The following IL1RAPL1 variants were observed in gnomAD, a reference collection of about 807,000 sequenced individuals.
IL1RAPL1 encodes interleukin 1 receptor accessory protein like 1.
A neutral mutation model predicts 48.4 loss-of-function variants in IL1RAPL1; 3 were observed. The observed-to-expected ratio is 0.06, with a 90% CI of 0.03 to 0.16. The LOEUF is 0.16. IL1RAPL1 is among the 10% of genes least tolerant of loss of function. The pLI is 1.00. For synonymous variants in IL1RAPL1, 185 were observed against 187.7 expected, an observed-to-expected ratio of 0.99 and a Z score of 0.12; for missense variants, 349 against 530.6, an observed-to-expected ratio of 0.66 and a Z score of 3.36.
At chrX:29,062,309 A>C (rs1927358763) in intron 2 of IL1RAPL1, among the ~76,000 whole-genome samples, 1 of 112,321 alleles carries the variant, frequency 8.9e-6, no homozygotes, top group South Asian at 3.6e-4. Flanking sequence ...CTTGTTTCCA[A>C]GTGTTATTGA....
At chrX:29,373,956 C>T in intron 3 of IL1RAPL1, among the ~76,000 whole-genome samples, 1 of 95,544 alleles carries the variant, frequency 1.0e-5, no homozygotes, top group South Asian at 5.4e-4. Context: ...AGTCCTCCCT[C>T]CTCAGCTTCC....
In IL1RAPL1 at chrX:29,418,082, A is replaced by T. The variant is rs774759755; in HGVS notation, c.703+18774A>T. Among the ~76,000 whole-genome samples, 605 of 88,343 alleles carry T rather than the reference A, an allele frequency of 6.8e-3. 5 individuals carry two copies. The highest frequency in any genetic ancestry group is 0.024 in the African/African-American group (572 of 23,829). The allele number at this position is 88,343 out of a possible 115,157, so 76.7% of individuals were successfully genotyped here. ...AAGCACAGAGAAACGTGTTCTTTTTAAAAAAGTAATATATATATATATATA... is the reference window on the plus strand; with the variant it reads ...AAGCACAGAGAAACGTGTTCTTTTTTAAAAAGTAATATATATATATATATA... On this transcript the variant is annotated intron_variant, in intron 5 of 10. Transcript: ENST00000378993.
chrX:29,828,119 A>G (rs5971826), intron 6 of IL1RAPL1, among the ~76,000 whole-genome samples: 3,604 of 111,881 alleles, frequency 0.032, 132 homozygotes, highest in African/African-American at 0.11. Flanking sequence ...AGGCTGGGAG[A>G]ACATCAGGAA....
intron 3 of IL1RAPL1, among the ~76,000 whole-genome samples, chrX:29,354,478 C>A (rs939683101): frequency 8.0e-5 from 9 of 111,818 alleles, no homozygotes; most frequent in African/African-American, 2.6e-4. Context: ...TGACACAAAA[C>A]CTATTTTATG....
intron 1 of IL1RAPL1, among the ~76,000 whole-genome samples, chrX:28,601,978 G>T (rs766981151): frequency 1.8e-5 from 2 of 109,033 alleles, no homozygotes; most frequent in South Asian, 8.1e-4. Context: ...GGTGGCGCAC[G>T]CCTGTAATCC....
At chrX:28,900,820 T>C (rs958176700) in intron 2 of IL1RAPL1, among the ~76,000 whole-genome samples, 1 of 111,829 alleles carries the variant, frequency 8.9e-6, no homozygotes, top group Non-Finnish European at 1.9e-5. Flanking sequence ...ATTGAATGTC[T>C]CTGTTCTAGC....
intron 5 of IL1RAPL1, among the ~76,000 whole-genome samples, chrX:29,437,639 G>A (rs748570058): frequency 5.4e-5 from 6 of 110,104 alleles, no homozygotes; most frequent in Admixed American, 2.9e-4. Flanking sequence ...TCATGAATGG[G>A]TGTTACATTT....
intron 3 of IL1RAPL1, among the ~76,000 whole-genome samples, chrX:29,315,564 G>A (rs765380834): frequency 9.8e-5 from 11 of 111,711 alleles, no homozygotes; most frequent in Middle Eastern, 4.6e-3. Context: ...TAATATATAA[G>A]TAGGACAGAA....
chrX:29,553,363 T>C (rs1921882392), intron 5 of IL1RAPL1, among the ~76,000 whole-genome samples: 1 of 111,667 alleles, frequency 9.0e-6, no homozygotes, highest in African/African-American at 3.3e-5. Context: ...CCCTAAGAAG[T>C]TTTTCTCAGA....
chrX:28,741,612 T>C (rs1470968487), intron 1 of IL1RAPL1, among the ~76,000 whole-genome samples: 2 of 111,875 alleles, frequency 1.8e-5, no homozygotes, highest in Non-Finnish European at 3.8e-5. Context: ...TTCCAAGAGA[T>C]TCCTTATCTC....
intron 2 of IL1RAPL1, among the ~76,000 whole-genome samples, chrX:29,152,472 A>G (rs1223647453): frequency 8.9e-5 from 10 of 111,777 alleles, no homozygotes; most frequent in Non-Finnish European, 1.1e-4. Flanking sequence ...CCACATAGTC[A>G]AATGTTACCT....
At chrX:29,869,651 T>G (rs1931763657) in intron 6 of IL1RAPL1, among the ~76,000 whole-genome samples, 1 of 111,368 alleles carries the variant, frequency 9.0e-6, no homozygotes, top group Admixed American at 9.6e-5. Context: ...GAGGTGTAAA[T>G]AATAACTGCC....
chrX:29,504,341 A>G (rs1166835415), intron 5 of IL1RAPL1, among the ~76,000 whole-genome samples: 1 of 111,574 alleles, frequency 9.0e-6, no homozygotes, highest in Non-Finnish European at 1.9e-5. Context: ...TCAATTCTAG[A>G]TAGCCCTATT....
At chrX:29,006,891 TAATAA>T (rs1195401380) in intron 2 of IL1RAPL1, among the ~76,000 whole-genome samples, 3 of 110,864 alleles carry the variant, frequency 2.7e-5, no homozygotes, top group Non-Finnish European at 3.8e-5. Context: ...TTGTTAATAG[TAATAA>T]AATATATAGC....
At chrX:28,766,046 A>C (rs1936233588) in intron 1 of IL1RAPL1, among the ~76,000 whole-genome samples, 1 of 111,724 alleles carries the variant, frequency 9.0e-6, no homozygotes, top group Non-Finnish European at 1.9e-5. Flanking sequence ...CCTGATATTC[A>C]TTTTAATGAA....
At chrX:29,797,715 A>C (rs769441492) in intron 6 of IL1RAPL1, among the ~76,000 whole-genome samples, 1 of 109,977 alleles carries the variant, frequency 9.1e-6, no homozygotes, top group South Asian at 4.1e-4. Flanking sequence ...TCTACCAAAA[A>C]CCCAAAAATT....
chrX:29,085,007 A>G (rs1376770134), intron 2 of IL1RAPL1, among the ~76,000 whole-genome samples: 1 of 112,021 alleles, frequency 8.9e-6, no homozygotes, highest in East Asian at 2.8e-4. Context: ...TTATTCTTTT[A>G]ATAAGCATAT....
intron 2 of IL1RAPL1, among the ~76,000 whole-genome samples, chrX:29,207,009 C>T (rs1205602316): frequency 9.0e-6 from 1 of 111,417 alleles, no homozygotes; most frequent in Non-Finnish European, 1.9e-5. Context: ...ACATGCCTTC[C>T]AGTCCTCACC....
At chrX:29,153,678 T>G (rs1338970697) in intron 2 of IL1RAPL1, among the ~76,000 whole-genome samples, 1 of 112,582 alleles carries the variant, frequency 8.9e-6, no homozygotes, top group Non-Finnish European at 1.9e-5. Flanking sequence ...AATAAACTTG[T>G]CATTTGTGTC....
Sources: gnomAD v4.1 joint callset for allele counts (sites outside exome capture counted in the v4.1 genomes callset) on GRCh38, gnomAD v4.1.1 for gene constraint, MANE v1.5 for transcripts, NCBI Gene and HGNC (gene_info 2026-07-23, HGNC 2026-07-21) for gene names.